ZMYND12: variants seen among roughly 807,000 people sequenced by gnomAD.
ZMYND12 encodes the protein zinc finger MYND domain-containing protein 12.
In ZMYND12, 32 loss-of-function variants were observed where a neutral mutation model predicts 41.7. The observed-to-expected ratio is 0.77, with a 90% CI of 0.58 to 1.03. The LOEUF is 1.03. Among genes scored for constraint, ZMYND12 ranks in the 50% least tolerant of loss-of-function variants. The pLI is 0.00. For missense variants in ZMYND12, 424 were observed against 438.5 expected (o/e 0.97, Z 0.30); for synonymous variants, 148 against 164.8 (o/e 0.90, Z 0.78).
rs770832578 is a variant in ZMYND12 at position 42,433,294 on chromosome 1, T to C, written c.830-6A>G. 3.1e-6 allele frequency: 5 copies of C among 1,598,690 alleles called. No homozygotes were observed. Among genetic ancestry groups the C allele is most frequent in the Non-Finnish European group, 3.4e-6 (4 of 1,175,384 alleles). On this transcript the variant is annotated splice_polypyrimidine_tract_variant and splice_region_variant and intron_variant, in intron 6 of 7. Coordinates refer to ENST00000372565, the MANE Select transcript of ZMYND12 (RefSeq NM_032257.5). ...TTCTGCTTCTTGGGCTTCATCTGCATTGGAAGGGGAAGAAAGAAAAAACAG... is the reference window on the plus strand; with the variant it reads ...TTCTGCTTCTTGGGCTTCATCTGCACTGGAAGGGGAAGAAAGAAAAAACAG...
In ZMYND12 at chr1:42,448,639, CT is replaced by C; in HGVS notation, c.253-2del. 6.2e-7 allele frequency: 1 copy of C among 1,606,510 alleles called. No individual in the cohort carries two copies. The highest frequency in any genetic ancestry group is 8.5e-7 in the Non-Finnish European group (1 of 1,176,002). ...TGTAGCAGAATTCAATCAAATACTT[CT>C]GTGGAAGAGAGAAACAGACTATCTG... On this transcript the variant is annotated splice_acceptor_variant, in intron 2 of 7. Coordinates refer to ENST00000372565, the MANE Select transcript of ZMYND12 (RefSeq NM_032257.5). LOFTEE classifies it high-confidence loss of function.
chr1:42,450,182 G>T, intron 1 of ZMYND12, 123 bp from the exon 2 acceptor site: 1 of 1,082,752 alleles, frequency 9.2e-7, no homozygotes, highest in South Asian at 1.6e-5. Flanking sequence ...CAGGCAGGGA[G>T]CTCAAAGCCA....
intron 1 of ZMYND12, among the ~76,000 whole-genome samples, chr1:42,455,024 C>T (rs1383631040): frequency 1.3e-5 from 2 of 152,184 alleles, no homozygotes; most frequent in Non-Finnish European, 2.9e-5. Flanking sequence ...TTGTTGTTTT[C>T]TCTAAATGGT....
At chr1:42,441,781 C>T (rs1488398872) in intron 3 of ZMYND12, among the ~76,000 whole-genome samples, 2 of 152,066 alleles carry the variant, frequency 1.3e-5, no homozygotes, top group South Asian at 2.1e-4. Flanking sequence ...CCACTACGCC[C>T]GGCTAATTTT....
chr1:42,450,002 G>T lies in ZMYND12; in HGVS notation c.168C>A (p.Leu56=). The change falls in exon 2 of 8, where the codon CTC becomes CTA. Residue 56 remains leucine, a synonymous_variant. Coordinates refer to ENST00000372565, the MANE Select transcript of ZMYND12 (RefSeq NM_032257.5). ...GCATGGAAGTGCGCAGTGGAATCAA[G>T]AGCTGACATATTTTCTCATGGATGC... is the stretch of plus-strand genomic sequence containing the variant. The part of the protein sequence containing the change: ...WDSIHEKICQ[L]LIPLRTSMPF... 1 of 1,613,958 alleles carries T rather than the reference G, an allele frequency of 6.2e-7. No homozygotes were observed. The highest frequency in any genetic ancestry group is 8.5e-7 in the Non-Finnish European group (1 of 1,180,030).
intron 3 of ZMYND12, among the ~76,000 whole-genome samples, chr1:42,444,107 C>T (rs1009575104): frequency 6.6e-6 from 1 of 152,134 alleles, no homozygotes; most frequent in Non-Finnish European, 1.5e-5. Context: ...AAGAGATCCT[C>T]CCATTTCGAC....
chr1:42,452,720 AT>A (rs1569577523), intron 1 of ZMYND12, among the ~76,000 whole-genome samples: 1 of 152,294 alleles, frequency 6.6e-6, no homozygotes, highest in African/African-American at 2.4e-5. Context: ...TAATAAAAAA[AT>A]AAAAGTTCTA....
intron 3 of ZMYND12, among the ~76,000 whole-genome samples, chr1:42,440,931 G>A (rs1233666199): frequency 6.6e-6 from 1 of 152,116 alleles, no homozygotes; most frequent in Non-Finnish European, 1.5e-5. Flanking sequence ...ACCTCCCAAA[G>A]TGCTGGGAAT....
At chr1:42,444,588 C>T (rs1474805752) in intron 3 of ZMYND12, among the ~76,000 whole-genome samples, 2 of 152,162 alleles carry the variant, frequency 1.3e-5, no homozygotes, top group East Asian at 3.9e-4. Flanking sequence ...TTACACAGTG[C>T]TCACGAGGTT....
intron 3 of ZMYND12, among the ~76,000 whole-genome samples, chr1:42,442,893 C>G (rs1642985107): frequency 6.6e-6 from 1 of 152,144 alleles, no homozygotes; most frequent in African/African-American, 2.4e-5. Flanking sequence ...GAGGCCTAGT[C>G]CCTGATCCTG....
intron 5 of ZMYND12, 51 bp downstream of exon 5, chr1:42,436,369 TA>T: frequency 6.2e-7 from 1 of 1,607,270 alleles, no homozygotes; most frequent in Non-Finnish European, 8.5e-7. Context: ...ATACAAGTTG[TA>T]AGACACCAAG....
chr1:42,447,784 A>G (rs1643039249), intron 3 of ZMYND12, among the ~76,000 whole-genome samples: 1 of 152,092 alleles, frequency 6.6e-6, no homozygotes, highest in South Asian at 2.1e-4. Context: ...CATATGAAGC[A>G]TTTTTTTAAA....
intron 7 of ZMYND12, chr1:42,432,844 G>C (rs1642868208): frequency 3.3e-6 from 1 of 302,852 alleles, no homozygotes; most frequent in South Asian, 6.1e-5. Context: ...AGTTAGAGCG[G>C]CTACTTCATC....
At chr1:42,448,436 G>A in intron 3 of ZMYND12, 31 bp downstream of exon 3, 1 of 1,546,552 alleles carries the variant, frequency 6.5e-7, no homozygotes, top group South Asian at 1.2e-5. Flanking sequence ...CCACTTAAGG[G>A]ATCCAAGGAT....
intron 7 of ZMYND12, among the ~76,000 whole-genome samples, chr1:42,432,037 CT>C (rs1449070692): frequency 6.7e-6 from 1 of 149,888 alleles, no homozygotes; most frequent in Non-Finnish European, 1.5e-5. Flanking sequence ...TCTTCTTCTT[CT>C]TCTTCTTTTC....
chr1:42,432,149 T>A (rs1642860426), intron 7 of ZMYND12, among the ~76,000 whole-genome samples: 1 of 150,996 alleles, frequency 6.6e-6, no homozygotes, highest in Non-Finnish European at 1.5e-5. Flanking sequence ...CTCAATCTCC[T>A]GGGCTCAAGT....
chr1:42,455,537 G>C (rs553735899), intron 1 of ZMYND12, among the ~76,000 whole-genome samples: 2 of 152,222 alleles, frequency 1.3e-5, no homozygotes, highest in South Asian at 4.1e-4. Context: ...GCCTCCCGAA[G>C]TGCTGGGATT....
intron 1 of ZMYND12, among the ~76,000 whole-genome samples, chr1:42,450,262 G>A (rs2148410311): frequency 6.6e-6 from 1 of 152,350 alleles, no homozygotes; most frequent in South Asian, 2.1e-4. Context: ...TGGGATTGGA[G>A]AGTATGTTGT....
intron 1 of ZMYND12, among the ~76,000 whole-genome samples, chr1:42,453,554 G>A (rs1292816927): frequency 1.3e-5 from 2 of 152,194 alleles, no homozygotes; most frequent in African/African-American, 2.4e-5. Flanking sequence ...AAAATGAAGA[G>A]AAATATGAGT....
Sources: gnomAD v4.1 joint callset for allele counts (sites outside exome capture counted in the v4.1 genomes callset) on GRCh38, gnomAD v4.1.1 for gene constraint, MANE v1.5 for transcripts, NCBI Gene and HGNC (gene_info 2026-07-23, HGNC 2026-07-21) for gene names.